The following HECW1 variants were observed in gnomAD, a reference collection of about 807,000 sequenced individuals.
HECW1 encodes E3 ubiquitin-protein ligase HECW1.
Under a neutral mutation model 182.3 loss-of-function variants are expected in HECW1, and 61 were observed. The observed-to-expected ratio is 0.33, with a 90% confidence interval of 0.27 to 0.41. The LOEUF is 0.41. Ranked by LOEUF, HECW1 falls within the 10% of genes least tolerant of loss-of-function variation. The pLI, the probability that HECW1 is intolerant of heterozygous loss-of-function variation, is 1.00. For missense variants in HECW1, 1,739 were observed against 2,108.9 expected, an observed-to-expected ratio of 0.82 and a Z score of 3.44; for synonymous variants, 859 against 832.6, an observed-to-expected ratio of 1.03 and a Z score of -0.55.
chr7:43,305,294 T>C (rs1210917302), intron 3 of HECW1, among the ~76,000 whole-genome samples: 1 of 152,192 alleles, frequency 6.6e-6, no homozygotes, highest in East Asian at 1.9e-4. Context: ...GTTAAGAACT[T>C]GGAGGAAGAA....
At chr7:43,412,495 C>T (rs2075836889) in intron 8 of HECW1, among the ~76,000 whole-genome samples, 1 of 150,212 alleles carries the variant, frequency 6.7e-6, no homozygotes, top group East Asian at 1.9e-4. Flanking sequence ...GGTACATGTG[C>T]ACCTTGTGCA....
At chr7:43,500,893 G>A (rs1218192433) in intron 20 of HECW1, 111 bp downstream of exon 20, 1 of 903,856 alleles carries the variant, frequency 1.1e-6, no homozygotes, top group Non-Finnish European at 1.8e-6. Flanking sequence ...TTGTTCTAGA[G>A]GATTCTAGTA....
Position 43,311,706 on chromosome 7 carries a change from C to T in HECW1, c.28-57C>T, listed in dbSNP as rs145643281. The T allele has an allele frequency of 1.9e-4, 290 of 1,511,978 alleles. No homozygotes were observed. The African/African-American group carries it at 3.0e-3, about 16-fold the overall frequency. The allele number at this position is 1,511,978 out of a possible 1,614,324, so 93.7% of individuals were successfully genotyped here. A position where few individuals can be genotyped will look rare whatever the true frequency, so the allele number is the denominator to read the frequency against. On this transcript the variant is annotated intron_variant, in intron 3 of 29. Coordinates refer to ENST00000395891, the MANE Select transcript of HECW1 (RefSeq NM_015052.5). ...CACATCTTTCGTTTTCGTGTGATGA[C>T]GGTGACTGAGTTGCCGGCGTGCCCT...
At chr7:43,242,912 C>G (rs774141714) in intron 2 of HECW1, among the ~76,000 whole-genome samples, 4 of 152,116 alleles carry the variant, frequency 2.6e-5, no homozygotes, top group African/African-American at 4.8e-5. Context: ...GATCTCAGTA[C>G]GTAGATGTTG....
intron 15 of HECW1, among the ~76,000 whole-genome samples, chr7:43,466,919 A>T (rs540582978): frequency 6.6e-6 from 1 of 152,314 alleles, no homozygotes; most frequent in South Asian, 2.1e-4. Flanking sequence ...AATCATTTTC[A>T]CTGATACAAT....
chr7:43,527,335 C>G (rs1327419787), intron 24 of HECW1, among the ~76,000 whole-genome samples: 3 of 152,090 alleles, frequency 2.0e-5, no homozygotes, highest in African/African-American at 7.2e-5. Context: ...AGGCCAAAAT[C>G]AAGGTGTCAG....
chr7:43,291,080 A>T (rs1805339911), intron 3 of HECW1, among the ~76,000 whole-genome samples: 1 of 152,206 alleles, frequency 6.6e-6, no homozygotes, highest in Admixed American at 6.5e-5. Flanking sequence ...CCACGCTGTT[A>T]TATGTACAAT....
chr7:43,427,035 A>G (rs1420140053), intron 8 of HECW1, among the ~76,000 whole-genome samples: 1 of 152,096 alleles, frequency 6.6e-6, no homozygotes, highest in Non-Finnish European at 1.5e-5. Flanking sequence ...TAAGTTTGAA[A>G]AAAAGGCCCT....
Position 43,243,800 on chromosome 7 carries a change from G to T in HECW1, c.-31-75G>T. On this transcript the variant is annotated intron_variant, in intron 2 of 29. Coordinates refer to ENST00000395891, the MANE Select transcript of HECW1 (RefSeq NM_015052.5). The surrounding 1 kb of genome is among the most constrained non-coding windows in gnomAD (Gnocchi z 4.0). The stretch of plus-strand genomic sequence containing the variant: ...TGGCGGGGGTGGGGGAAACAATGTT[G>T]TTTGTGTGGGTAATGTTGCTGATTT... 8.7e-7 allele frequency: 1 copy of T among 1,147,414 alleles called. No homozygotes were observed. Among genetic ancestry groups the T allele is most frequent in the South Asian group, 1.2e-5 (1 of 81,302 alleles). The allele number at this position is 1,147,414 out of a possible 1,614,324, so 71.1% of individuals were successfully genotyped here.
At chr7:43,506,896 G>A (rs1410308920) in intron 21 of HECW1, among the ~76,000 whole-genome samples, 3 of 152,060 alleles carry the variant, frequency 2.0e-5, no homozygotes, top group African/African-American at 2.4e-5. Context: ...GTGAAACCCC[G>A]TCTGTACTAA....
At chr7:43,422,859 T>C (rs6952823) in intron 8 of HECW1, among the ~76,000 whole-genome samples, 149,530 of 152,128 alleles carry the variant, frequency 0.98, 73,505 homozygotes, top group East Asian at 1. Flanking sequence ...CTAAAAGCCC[T>C]GTCACCTGGA....
intron 2 of HECW1, among the ~76,000 whole-genome samples, chr7:43,204,546 T>C (rs138667568): frequency 6.0e-4 from 92 of 152,364 alleles, no homozygotes; most frequent in African/African-American, 2.0e-3. Flanking sequence ...GGCATGGCCA[T>C]GCCCTCATGG....
chr7:43,264,860 A>AT (rs1801602549), intron 3 of HECW1, among the ~76,000 whole-genome samples: 1 of 151,576 alleles, frequency 6.6e-6, no homozygotes. Flanking sequence ...AAAAAAAAAA[A>AT]AAATTGCTAT....
At chr7:43,194,936 C>A (rs1210926593) in intron 2 of HECW1, among the ~76,000 whole-genome samples, 1 of 152,104 alleles carries the variant, frequency 6.6e-6, no homozygotes, top group Non-Finnish European at 1.5e-5. Flanking sequence ...TCAGGTAATC[C>A]GCCCTTCTTG....
chr7:43,444,533 G>A lies in HECW1; in HGVS notation c.1361G>A (p.Ser454Asn), dbSNP rs759091836. Residue 454 changes from serine to asparagine, a missense_variant, in exon 11 of 30, where the codon AGT becomes AAT. By Grantham distance (46) the Ser-to-Asn change is conservative (BLOSUM62 1). Transcript: ENST00000395891. This position sits in a 1 kb window ranked among gnomAD's most constrained non-coding sequence, Gnocchi z 4.3. ...CAAAAGGACATCCAGCCTGCCCCCAGTGCAGAAGAGCTGGCCGAGCAGCTG... is the reference window on the plus strand; with the variant it reads ...CAAAAGGACATCCAGCCTGCCCCCAATGCAGAAGAGCTGGCCGAGCAGCTG... The part of the protein sequence containing the change: ...QVQKDIQPAP[S>N]AEELAEQLDL... 1 of 1,611,490 alleles carries A rather than the reference G, an allele frequency of 6.2e-7. No individual in the cohort carries two copies. The highest frequency in any genetic ancestry group is 8.5e-7 in the Non-Finnish European group (1 of 1,178,958).
intron 8 of HECW1, among the ~76,000 whole-genome samples, chr7:43,416,887 C>G (rs534715561): frequency 2.6e-5 from 4 of 151,850 alleles, no homozygotes; most frequent in Non-Finnish European, 5.9e-5. Flanking sequence ...TGCTTCGGCT[C>G]GAGCACGGTG....
At chr7:43,260,024 A>T (rs1801002978) in intron 3 of HECW1, among the ~76,000 whole-genome samples, 1 of 152,234 alleles carries the variant, frequency 6.6e-6, no homozygotes, top group South Asian at 2.1e-4. Context: ...TCATAGTCAA[A>T]CTTCTGAAAA....
In HECW1 at chr7:43,135,970, C is replaced by T. The variant is rs1389196508; in HGVS notation, c.-32+21579C>T. Among the ~76,000 whole-genome samples the T allele has an allele frequency of 2.2e-5, 3 of 139,194 alleles. No individual in the cohort carries two copies. In the Admixed American group the frequency reaches 2.3e-4, roughly 11 times the overall value. 91.3% of individuals were successfully genotyped at this position (139,194 alleles called of 152,430 possible). On this transcript the variant is annotated intron_variant, in intron 2 of 29. Transcript: ENST00000395891. Reference sequence around the variant, plus strand: ...TTTTTTTCAGGATGCAAAATAGATACCATTTACACTTTTTTTTTTTTTTAC... The same window carrying T: ...TTTTTTTCAGGATGCAAAATAGATATCATTTACACTTTTTTTTTTTTTTAC...
intron 2 of HECW1, chr7:43,207,721 A>T (rs1795619068): frequency 6.6e-6 from 1 of 152,166 alleles, no homozygotes; most frequent in African/African-American, 2.4e-5. Context: ...GAATGAGAAC[A>T]TATGGTGCCT....
Sources: gnomAD v4.1 joint callset for allele counts (sites outside exome capture counted in the v4.1 genomes callset) on GRCh38, gnomAD v4.1.1 for gene constraint, Gnocchi (gnomAD v3.1) non-coding constraint, MANE v1.5 for transcripts, NCBI Gene and HGNC (gene_info 2026-07-23, HGNC 2026-07-21) for gene names.